Variants in KCMF1 observed in about 807,000 individuals in gnomAD.
KCMF1 encodes E3 ubiquitin-protein ligase KCMF1.
Under a neutral mutation model 41.1 loss-of-function variants are expected in KCMF1, and 3 were observed. That is an observed-to-expected ratio of 0.07 (90% CI 0.03 to 0.19). The LOEUF is 0.19. Ranked by LOEUF, KCMF1 falls within the 10% of genes least tolerant of loss-of-function variation. The pLI, the probability that KCMF1 is intolerant of heterozygous loss-of-function variation, is 1.00. For missense variants in KCMF1, 286 were observed against 488.9 expected (o/e 0.58, Z 3.91); for synonymous variants, 142 against 164.5 (o/e 0.86, Z 1.04).
At chr2:85,049,938 C>A (rs931553182) in intron 6 of KCMF1, among the ~76,000 whole-genome samples, 3 of 152,108 alleles carry the variant, frequency 2.0e-5, no homozygotes, top group Non-Finnish European at 4.4e-5. Context: ...GCAAGCAGAT[C>A]GCCAGAGCCC....
At chr2:85,029,715 C>G (rs1338501405) in intron 2 of KCMF1, among the ~76,000 whole-genome samples, 3 of 127,666 alleles carry the variant, frequency 2.3e-5, no homozygotes, top group Non-Finnish European at 4.7e-5. Flanking sequence ...GAGTTTCACT[C>G]TTGTCGCCTA....
chr2:85,008,422 GAT>G (rs1401955086), intron 1 of KCMF1, among the ~76,000 whole-genome samples: 5 of 45,756 alleles, frequency 1.1e-4, no homozygotes, highest in African/African-American at 3.2e-4. Context: ...TATATTATGT[GAT>G]ATATATGATA....
chr2:85,042,580 C>A (rs983000477), intron 3 of KCMF1, among the ~76,000 whole-genome samples: 1 of 152,226 alleles, frequency 6.6e-6, no homozygotes, highest in African/African-American at 2.4e-5. Flanking sequence ...AAGTCTACAA[C>A]TTGAACTGTG....
intron 4 of KCMF1, 56 bp downstream of exon 4, chr2:85,043,721 A>AT: frequency 7.8e-7 from 1 of 1,282,254 alleles, no homozygotes; most frequent in African/African-American, 1.5e-5. Context: ...TGTCATTTTG[A>AT]TTTTTTGTTT....
chr2:84,994,372 C>G (rs1258583213), intron 1 of KCMF1, among the ~76,000 whole-genome samples: 3 of 152,044 alleles, frequency 2.0e-5, no homozygotes. Context: ...TATGGAATTG[C>G]AATGTTACTA....
intron 2 of KCMF1, among the ~76,000 whole-genome samples, chr2:85,029,476 G>T (rs1675208682): frequency 6.6e-6 from 1 of 151,676 alleles, no homozygotes; most frequent in African/African-American, 2.4e-5. Context: ...ACATGCATCT[G>T]TAGCCCTAGC....
At chr2:85,014,653 A>G (rs1163232550) in intron 1 of KCMF1, among the ~76,000 whole-genome samples, 2 of 150,458 alleles carry the variant, frequency 1.3e-5, no homozygotes, top group South Asian at 4.2e-4. Context: ...TCTAGTGTGC[A>G]TTGTTTAAAG....
At chr2:85,034,493 T>TG (rs1675359776) in intron 2 of KCMF1, among the ~76,000 whole-genome samples, 1 of 152,102 alleles carries the variant, frequency 6.6e-6, no homozygotes, top group Admixed American at 6.5e-5. Context: ...TGAAGGAGGA[T>TG]GGAGTTGTTT....
At chr2:84,978,276 C>T (rs1208890044) in intron 1 of KCMF1, among the ~76,000 whole-genome samples, 1 of 152,180 alleles carries the variant, frequency 6.6e-6, no homozygotes, top group African/African-American at 2.4e-5. Flanking sequence ...GGATTACAGG[C>T]ATGAGCCACC....
chr2:85,021,728 G>A (rs1674947635), intron 1 of KCMF1, among the ~76,000 whole-genome samples: 1 of 151,970 alleles, frequency 6.6e-6, no homozygotes, highest in African/African-American at 2.4e-5. Context: ...AAACTTCATA[G>A]ATGAAGAGAA....
At position 85,011,855 on chromosome 2, in the gene KCMF1, T is replaced by C. The variant is rs368853920; in HGVS notation, c.17-16034T>C. Among the ~76,000 whole-genome samples the C allele has an allele frequency of 5.9e-5, 9 of 152,188 alleles. No individual in the cohort carries two copies. The East Asian group carries it at 1.5e-3, about 26-fold the overall frequency. On this transcript the variant is annotated intron_variant, in intron 1 of 6. Coordinates refer to ENST00000409785, the MANE Select transcript of KCMF1 (RefSeq NM_020122.5). ...GCTGTCCTGTGTTTTGTAGGATGTT[T>C]AGTAACATTCTTAGCCTCCCTGAAA... is the stretch of plus-strand genomic sequence containing the variant.
chr2:85,045,278 A>G (rs1675636616), intron 4 of KCMF1, among the ~76,000 whole-genome samples: 1 of 151,892 alleles, frequency 6.6e-6, no homozygotes. Context: ...ATAATATAAA[A>G]TTATCAAATA....
rs1329302166 is a variant in KCMF1, at chr2:84,971,203, T to G, written c.-249T>G. On this transcript the variant is annotated 5_prime_UTR_variant, in exon 1 of 7. Coordinates refer to ENST00000409785, the MANE Select transcript of KCMF1 (RefSeq NM_020122.5). ...GAGTCACGGCGGGCGCCGGCGGAGCTGCGGCGTCGGACCCGCCTCCTGGAG... is the reference window on the plus strand; with the variant it reads ...GAGTCACGGCGGGCGCCGGCGGAGCGGCGGCGTCGGACCCGCCTCCTGGAG... 1 of 140,258 alleles carries G rather than the reference T, an allele frequency of 7.1e-6. No homozygotes were observed. The highest frequency in any genetic ancestry group is 1.6e-5 in the Non-Finnish European group (1 of 64,268). The allele number at this position is 140,258 out of a possible 1,614,324, so 8.7% of individuals were successfully genotyped here.
chr2:84,996,633 A>G (rs558510143), intron 1 of KCMF1, among the ~76,000 whole-genome samples: 2 of 151,976 alleles, frequency 1.3e-5, no homozygotes, highest in African/African-American at 4.8e-5. Flanking sequence ...ACAGGGTTTC[A>G]CCATGTTGGC....
intron 2 of KCMF1, among the ~76,000 whole-genome samples, chr2:85,029,753 C>T (rs886229090): frequency 6.8e-6 from 1 of 147,534 alleles, no homozygotes; most frequent in African/African-American, 2.5e-5. Context: ...GCCATCTCAG[C>T]TCACTGCAAC....
intron 1 of KCMF1, among the ~76,000 whole-genome samples, chr2:85,019,650 T>C (rs1674878033): frequency 6.6e-6 from 1 of 152,090 alleles, no homozygotes; most frequent in African/African-American, 2.4e-5. Flanking sequence ...GCCTGCCACA[T>C]AGATTATTAT....
intron 1 of KCMF1, among the ~76,000 whole-genome samples, chr2:85,017,556 C>T (rs930994987): frequency 7.0e-6 from 1 of 142,790 alleles, no homozygotes; most frequent in Non-Finnish European, 1.5e-5. Context: ...AAGAGGCCCT[C>T]CCTCCCTCCA....
intron 2 of KCMF1, 142 bp from the exon 3 acceptor site, chr2:85,034,874 G>T (rs948327853): frequency 1.6e-6 from 1 of 627,888 alleles, no homozygotes; most frequent in Non-Finnish European, 2.6e-6. Flanking sequence ...CACCCACCTT[G>T]TCCTCCCAAC....
intron 1 of KCMF1, among the ~76,000 whole-genome samples, chr2:84,980,585 GCAAAGT>G (rs759037025): frequency 2.9e-4 from 44 of 152,036 alleles, no homozygotes; most frequent in Non-Finnish European, 4.7e-4. Context: ...CTGAGTTGTA[GCAAAGT>G]AGAATTATGA....
Sources: allele counts gnomAD v4.1 joint callset (sites outside exome capture counted in the v4.1 genomes callset), GRCh38; gene constraint gnomAD v4.1.1; transcripts MANE v1.5; gene names NCBI Gene and HGNC (gene_info 2026-07-23, HGNC 2026-07-21).